Variants in UGT1A8 observed in about 807,000 individuals in gnomAD.
UGT1A8 encodes UDP-glucuronosyltransferase 1A8.
In UGT1A8, 39 loss-of-function variants were observed where a neutral mutation model predicts 45.3. That is an observed-to-expected ratio of 0.86 (90% confidence interval 0.67 to 1.12). The LOEUF (loss-of-function observed/expected upper bound fraction) is 1.12. UGT1A8 is among the 50% of genes most tolerant of loss of function. UGT1A8 has a pLI of 0.00. For synonymous variants in UGT1A8, 275 were observed against 249.2 expected (o/e 1.10, Z -0.97); for missense variants, 719 against 664.9 (o/e 1.08, Z -0.90).
intron 1 of UGT1A8, among the ~76,000 whole-genome samples, chr2:233,726,123 A>C (rs2125717570): frequency 6.6e-6 from 1 of 152,290 alleles, no homozygotes; most frequent in South Asian, 2.1e-4. Flanking sequence ...CCATGTTCAC[A>C]CCACCTCACT....
chr2:233,761,977 C>T (rs1011491640), intron 1 of UGT1A8, among the ~76,000 whole-genome samples: 8 of 152,204 alleles, frequency 5.3e-5, no homozygotes, highest in African/African-American at 1.9e-4. Context: ...ATATCACCTT[C>T]GGAGGTGACC....
At chr2:233,761,103 G>A (rs371726341) in intron 1 of UGT1A8, 4 of 1,614,144 alleles carry the variant, frequency 2.5e-6, no homozygotes, top group Admixed American at 1.7e-5. Flanking sequence ...TGCCCAATAT[G>A]GTTTTTGTTG....
chr2:233,634,939 C>G (rs2073252071), intron 1 of UGT1A8, among the ~76,000 whole-genome samples: 1 of 150,638 alleles, frequency 6.6e-6, no homozygotes, highest in African/African-American at 2.5e-5. Flanking sequence ...GTGGCTGGTA[C>G]CGGTTTTTTC....
intron 1 of UGT1A8, among the ~76,000 whole-genome samples, chr2:233,625,101 G>A (rs528522678): frequency 2.8e-4 from 43 of 152,028 alleles, no homozygotes; most frequent in African/African-American, 1.0e-3. Flanking sequence ...ACATATTTTG[G>A]ATGTTATTAG....
At chr2:233,626,612 T>C (rs1181008393) in intron 1 of UGT1A8, among the ~76,000 whole-genome samples, 47 of 152,064 alleles carry the variant, frequency 3.1e-4, no homozygotes, top group Admixed American at 3.1e-3. Flanking sequence ...CACAGCTCTG[T>C]CTATAACAAC....
At chr2:233,743,564 G>C (rs772866173) in intron 1 of UGT1A8, 1 of 1,367,272 alleles carries the variant, frequency 7.3e-7, no homozygotes, top group East Asian at 4.6e-5. Flanking sequence ...ATTCTCCAGC[G>C]GGTTTCCCAA....
At chr2:233,705,684 C>T (rs760465489) in intron 1 of UGT1A8, among the ~76,000 whole-genome samples, 4 of 152,274 alleles carry the variant, frequency 2.6e-5, no homozygotes, top group African/African-American at 9.6e-5. Context: ...ATATTCACAA[C>T]GACTGGTATA....
At chr2:233,767,733 C>A in intron 2 of UGT1A8, 116 bp from the exon 3 acceptor site, 1 of 1,566,288 alleles carries the variant, frequency 6.4e-7, no homozygotes, top group Non-Finnish European at 8.7e-7. Flanking sequence ...CTGATCCTCC[C>A]ACTCTGTTAA....
chr2:233,718,986 C>T, intron 1 of UGT1A8: 1 of 1,614,204 alleles, frequency 6.2e-7, no homozygotes, highest in East Asian at 2.2e-5. Context: ...TGCCAGAGGC[C>T]ACCAGGCGGT....
rs949685670 is a variant in UGT1A8 at position 233,686,961 on chromosome 2, A to G, written c.855+68399A>G. 9.2e-5 allele frequency among the ~76,000 whole-genome samples: 14 copies of G among 152,208 alleles called. 1 individual carries two copies. The highest frequency in any genetic ancestry group is 3.9e-4 in the Admixed American group (6 of 15,282). On this transcript the variant is annotated intron_variant, in intron 1 of 4. Coordinates refer to ENST00000373450, the MANE Select transcript of UGT1A8 (RefSeq NM_019076.5). ...GCAGGGAAGCTGTCAGTAATTAATT[A>G]GCAAGGCAGGGAAGTTGTACCCCAA...
intron 1 of UGT1A8, chr2:233,719,143 A>T: frequency 6.2e-7 from 1 of 1,614,250 alleles, no homozygotes; most frequent in Non-Finnish European, 8.5e-7. Flanking sequence ...CATCTTCTGA[A>T]GAGATATTCT....
At position 233,659,349 on chromosome 2, in the gene UGT1A8, C is replaced by T. The variant is rs115416905; in HGVS notation, c.855+40787C>T. ...TGTATAGCAGAAGCCTTACCAATAA[C>T]GTAAATAGCCAATGAACACATATTT... On this transcript the variant is annotated intron_variant, in intron 1 of 4. Coordinates refer to ENST00000373450, the MANE Select transcript of UGT1A8 (RefSeq NM_019076.5). Among the ~76,000 whole-genome samples the T allele has an allele frequency of 3.8e-3, 572 of 152,058 alleles. 4 individuals are homozygous for T. The highest frequency in any genetic ancestry group is 0.01 in the African/African-American group (423 of 41,470).
chr2:233,768,116 A>G, intron 3 of UGT1A8, 104 bp from the exon 4 acceptor site: 1 of 1,599,724 alleles, frequency 6.3e-7, no homozygotes, highest in Non-Finnish European at 8.5e-7. Context: ...CTGCAAGGGC[A>G]TGTGAGTAAC....
intron 1 of UGT1A8, among the ~76,000 whole-genome samples, chr2:233,618,790 G>T (rs1214203518): frequency 6.6e-6 from 1 of 152,026 alleles, no homozygotes; most frequent in Non-Finnish European, 1.5e-5. Flanking sequence ...ATCGTATTCA[G>T]CTTACATTTT....
intron 1 of UGT1A8, chr2:233,672,122 G>C: frequency 2.5e-6 from 4 of 1,614,208 alleles, no homozygotes; most frequent in Non-Finnish European, 3.4e-6. Context: ...CCAGAGGTGA[G>C]TTGGCAACTG....
intron 1 of UGT1A8, chr2:233,693,203 T>C (rs763106446): frequency 6.2e-7 from 1 of 1,614,132 alleles, no homozygotes; most frequent in South Asian, 1.1e-5. Flanking sequence ...TAATTTGCTT[T>C]TGAAAGAATC....
At chr2:233,655,534 T>C (rs1232154808) in intron 1 of UGT1A8, among the ~76,000 whole-genome samples, 1 of 152,080 alleles carries the variant, frequency 6.6e-6, no homozygotes, top group African/African-American at 2.4e-5. Context: ...GTTCCTTCCA[T>C]GCAGAAGCCA....
chr2:233,752,662 G>T (rs1695027689), intron 1 of UGT1A8: 5 of 152,258 alleles, frequency 3.3e-5, no homozygotes, highest in Admixed American at 2.0e-4. Flanking sequence ...TGAGGAGGAA[G>T]GATCACTTGA....
intron 1 of UGT1A8, chr2:233,747,256 G>C: frequency 6.2e-7 from 1 of 1,600,772 alleles, no homozygotes; most frequent in Non-Finnish European, 8.5e-7. Flanking sequence ...GCTGGCCACA[G>C]GAGTGCTACT....
Sources: gnomAD v4.1 joint callset for allele counts (sites outside exome capture counted in the v4.1 genomes callset) on GRCh38, gnomAD v4.1.1 for gene constraint, MANE v1.5 for transcripts, NCBI Gene and HGNC (gene_info 2026-07-23, HGNC 2026-07-21) for gene names.